The following RFX3 variants were observed in gnomAD, a reference collection of about 807,000 sequenced individuals.
RFX3 encodes the protein transcription factor RFX3.
Under a neutral mutation model 98.6 loss-of-function variants are expected in RFX3, and 14 were observed. That is an observed-to-expected ratio of 0.14 (90% CI 0.09 to 0.22). RFX3 has a LOEUF of 0.22. RFX3 is among the 10% of genes least tolerant of loss of function. The pLI is 1.00. For synonymous variants in RFX3, 383 were observed against 328.4 expected (o/e 1.17, Z -1.80); for missense variants, 639 against 926.9 (o/e 0.69, Z 4.03).
intron 7 of RFX3, among the ~76,000 whole-genome samples, chr9:3,287,843 A>G (rs1486724131): frequency 6.6e-6 from 1 of 151,908 alleles, no homozygotes; most frequent in Non-Finnish European, 1.5e-5. Context: ...TCCAGTTGGT[A>G]TTTGCTTGGG....
chr9:3,295,201 T>C (rs908858027), intron 5 of RFX3, among the ~76,000 whole-genome samples: 2 of 151,964 alleles, frequency 1.3e-5, no homozygotes, highest in Non-Finnish European at 2.9e-5. Context: ...GGGGACAGCA[T>C]GTCTCTTTAG....
At chr9:3,388,767 A>C (rs984163373) in intron 2 of RFX3, among the ~76,000 whole-genome samples, 1 of 152,118 alleles carries the variant, frequency 6.6e-6, no homozygotes, top group Non-Finnish European at 1.5e-5. Context: ...AATTTCAGCA[A>C]AATTGAAAGC....
chr9:3,297,822 G>A (rs1040964724), intron 5 of RFX3, among the ~76,000 whole-genome samples: 1 of 151,792 alleles, frequency 6.6e-6, no homozygotes, highest in African/African-American at 2.4e-5. Flanking sequence ...AACTTTAAAT[G>A]GAATTTTAAA....
chr9:3,452,256 T>C (rs1027140455), intron 1 of RFX3: 9 of 191,124 alleles, frequency 4.7e-5, no homozygotes, highest in South Asian at 2.7e-4. Flanking sequence ...CTGGCTCTTC[T>C]AGTTTTCTTA....
chr9:3,296,546 TATATGC>T (rs1489521740), intron 5 of RFX3, among the ~76,000 whole-genome samples: 2 of 152,100 alleles, frequency 1.3e-5, no homozygotes, highest in African/African-American at 4.8e-5. Flanking sequence ...TTTATATGTA[TATATGC>T]ATATACATAT....
intron 3 of RFX3, among the ~76,000 whole-genome samples, chr9:3,337,256 C>G (rs1383644339): frequency 9.2e-5 from 14 of 152,066 alleles, no homozygotes. Context: ...AAGAGGTGAT[C>G]TTATTGGAAG....
At chr9:3,441,229 T>C (rs1845583284) in intron 1 of RFX3, among the ~76,000 whole-genome samples, 1 of 152,062 alleles carries the variant, frequency 6.6e-6, no homozygotes, top group African/African-American at 2.4e-5. Context: ...ATGAATTACA[T>C]GGTATGAGAT....
intron 1 of RFX3, among the ~76,000 whole-genome samples, chr9:3,397,880 T>C (rs1841059029): frequency 6.6e-6 from 1 of 152,310 alleles, no homozygotes; most frequent in South Asian, 2.1e-4. Flanking sequence ...GCAGTTGGTA[T>C]GACTATAATC....
intron 1 of RFX3, among the ~76,000 whole-genome samples, chr9:3,432,935 C>T (rs1164169354): frequency 6.6e-6 from 1 of 152,114 alleles, no homozygotes; most frequent in Non-Finnish European, 1.5e-5. Flanking sequence ...ATACAAATTA[C>T]AATGTACAGT....
At chr9:3,225,421 T>C (rs1206994863) in intron 16 of RFX3, 141 bp from the exon 17 acceptor site, 6 of 1,296,808 alleles carry the variant, frequency 4.6e-6, no homozygotes, top group Non-Finnish European at 6.2e-6. Flanking sequence ...CTTAGAGGTT[T>C]TCTTTTCATC....
intron 1 of RFX3, among the ~76,000 whole-genome samples, chr9:3,403,049 C>T (rs1375537241): frequency 2.0e-5 from 3 of 151,944 alleles, no homozygotes; most frequent in African/African-American, 7.2e-5. Context: ...TAGTCACGTA[C>T]TACATTTAAA....
chr9:3,524,226 G>A (rs1012915118), intron 1 of RFX3, among the ~76,000 whole-genome samples: 1 of 151,854 alleles, frequency 6.6e-6, no homozygotes, highest in South Asian at 2.1e-4. Context: ...AAGTTAAGCT[G>A]AAAAAAATGA....
chr9:3,470,956 T>C (rs1264289985), intron 1 of RFX3, among the ~76,000 whole-genome samples: 1 of 152,234 alleles, frequency 6.6e-6, no homozygotes, highest in East Asian at 1.9e-4. Flanking sequence ...TTTCTAACTT[T>C]CTGAAATCTG....
chr9:3,461,269 C>T (rs1414922804), intron 1 of RFX3, among the ~76,000 whole-genome samples: 1 of 151,842 alleles, frequency 6.6e-6, no homozygotes, highest in East Asian at 1.9e-4. Flanking sequence ...ATAAAGTTCA[C>T]CATTTTTATT....
At chr9:3,396,001 G>A (rs1840821418) in intron 1 of RFX3, among the ~76,000 whole-genome samples, 1 of 151,712 alleles carries the variant, frequency 6.6e-6, no homozygotes, top group Admixed American at 6.6e-5. Context: ...ACTTTTATAG[G>A]CTGTCAGGAT....
chr9:3,336,741 T>TG (rs1172278530), intron 3 of RFX3, among the ~76,000 whole-genome samples: 1 of 152,158 alleles, frequency 6.6e-6, no homozygotes, highest in African/African-American at 2.4e-5. Context: ...TTTTCTTAAC[T>TG]GCAGGCCATG....
At chr9:3,257,533 G>C (rs753206172) in intron 13 of RFX3, among the ~76,000 whole-genome samples, 38 of 152,172 alleles carry the variant, frequency 2.5e-4, no homozygotes, top group Non-Finnish European at 5.3e-4. Context: ...CAGTAGGCAG[G>C]GTCTTTCATC....
At chr9:3,485,602 A>C (rs752065817) in intron 1 of RFX3, among the ~76,000 whole-genome samples, 1 of 152,146 alleles carries the variant, frequency 6.6e-6, no homozygotes, top group Non-Finnish European at 1.5e-5. Context: ...CGGAATTTGT[A>C]ATCTCTCTCA....
intron 1 of RFX3, among the ~76,000 whole-genome samples, chr9:3,484,679 G>C (rs932658937): frequency 1.3e-5 from 2 of 152,176 alleles, no homozygotes; most frequent in African/African-American, 4.8e-5. Context: ...AGCGGATCAA[G>C]TTTTTGAAGA....
Sources: gnomAD v4.1 joint callset for allele counts (sites outside exome capture counted in the v4.1 genomes callset) on GRCh38, gnomAD v4.1.1 for gene constraint, MANE v1.5 for transcripts, NCBI Gene and HGNC (gene_info 2026-07-23, HGNC 2026-07-21) for gene names.